The following KRT8 variants were observed in gnomAD, a reference collection of about 807,000 sequenced individuals.
KRT8 encodes the protein keratin 8, also known as keratin, type II cytoskeletal 8.
KRT8 carries 24 observed loss-of-function variants against 43.0 expected under a neutral mutation model. The ratio of observed to expected loss-of-function variants is 0.56; its 90% confidence interval spans 0.40 to 0.78. The LOEUF (loss-of-function observed/expected upper bound fraction) is 0.78. Among genes scored for constraint, KRT8 ranks in the 30% least tolerant of loss-of-function variants. The probability of loss-of-function intolerance (pLI) is 0.00; values close to 1 mark genes in which losing one functional copy is unlikely to be tolerated. For missense variants in KRT8, 492 were observed against 638.4 expected, an observed-to-expected ratio of 0.77 and a Z score of 2.47; for synonymous variants, 214 against 261.2, an observed-to-expected ratio of 0.82 and a Z score of 1.74.
chr12:52,905,030 A>G (rs752360906), exon 1 of KRT8: 20 of 1,570,254 alleles, frequency 1.3e-5, no homozygotes, highest in Non-Finnish European at 1.6e-5. Flanking sequence ...CGGAGATCCT[A>G]GAAGGAGCGG....
chr12:52,907,934 G>A (rs1399038180), upstream of KRT8, among the ~76,000 whole-genome samples: 4 of 152,172 alleles, frequency 2.6e-5, no homozygotes, highest in Admixed American at 2.6e-4. Context: ...AAGGCATTGT[G>A]GTCTACACAC....
At chr12:52,900,230 C>T (rs1361765082) in intron 4 of KRT8, among the ~76,000 whole-genome samples, 165 bp from the exon 5 acceptor site, 1 of 152,084 alleles carries the variant, frequency 6.6e-6, no homozygotes, top group East Asian at 1.9e-4. Context: ...GAACTGGGTG[C>T]ACCAATACTA....
At chr12:52,910,975 G>A (rs1484064358), upstream of KRT8, among the ~76,000 whole-genome samples, 2 of 152,194 alleles carry the variant, frequency 1.3e-5, no homozygotes, top group Admixed American at 6.5e-5. Context: ...TTCAGGAGAT[G>A]AAGTATTTGG....
intron 2 of KRT8, among the ~76,000 whole-genome samples, chr12:52,932,933 G>A (rs1020503351): frequency 6.6e-6 from 1 of 151,998 alleles, no homozygotes; most frequent in Non-Finnish European, 1.5e-5. Context: ...TACATTTTTT[G>A]TGTGTTTTTT....
chr12:52,920,774 G>A (rs1203506161), intron 2 of KRT8, among the ~76,000 whole-genome samples: 1 of 152,190 alleles, frequency 6.6e-6, no homozygotes, highest in Non-Finnish European at 1.5e-5. Context: ...AGGCACAGTG[G>A]CTCACACCTG....
At position 52,897,468 on chromosome 12, in the gene KRT8, C is replaced by T. The variant is rs386834222; in HGVS notation, c.1412G>A (p.Gly471Glu). 4.3e-5 allele frequency: 68 copies of T among 1,599,318 alleles called. No homozygotes were observed. Among genetic ancestry groups the T allele is most frequent in the Non-Finnish European group, 5.8e-5 (68 of 1,179,914 alleles). Residue 471 changes from glycine (G) to glutamate (E), a missense_variant, in exon 8 of 8, where the codon GGG (glycine) becomes GAG (glutamate). Physicochemically the swap from Gly to Glu is moderately conservative, Grantham distance 98 (BLOSUM62 -2). Transcript: ENST00000692008. ...GTCAGAGGACTCAGACACCAGCTTC[C>T]CATCACGTGTCTCGATCTTCTTCAC...
At chr12:52,924,830 C>G (rs1281317508) in intron 2 of KRT8, among the ~76,000 whole-genome samples, 1 of 152,196 alleles carries the variant, frequency 6.6e-6, no homozygotes, top group Non-Finnish European at 1.5e-5. Context: ...CTCAGCTGTA[C>G]TCTGTGGTCT....
exon 2 of KRT8, chr12:52,902,058 C>T (rs776320830): frequency 1.9e-6 from 3 of 1,601,126 alleles, no homozygotes; most frequent in Non-Finnish European, 2.5e-6. Flanking sequence ...TGTTCTGCTG[C>T]TCCAGGAACC....
chr12:52,936,213 C>T (rs1942167791), intron 2 of KRT8, among the ~76,000 whole-genome samples: 1 of 151,908 alleles, frequency 6.6e-6, no homozygotes, highest in Admixed American at 6.6e-5. Context: ...GATCATGCCA[C>T]TGCACTCCAG....
At chr12:52,941,602 C>T (rs1274684809) in intron 2 of KRT8, among the ~76,000 whole-genome samples, 2 of 149,774 alleles carry the variant, frequency 1.3e-5, no homozygotes, top group African/African-American at 2.5e-5. Context: ...AATTCTCCTA[C>T]CTCAGCCTCC....
intron 2 of KRT8, 78 bp from the exon 3 acceptor site, chr12:52,901,297 T>G (rs4531558): frequency 0.53 from 534,120 of 1,008,010 alleles, 145,755 homozygotes; most frequent in South Asian, 0.7. Context: ...ACAGGGGCGT[T>G]GTGAAAATCA....
intron 2 of KRT8, among the ~76,000 whole-genome samples, chr12:52,921,511 C>G (rs1310152062): frequency 6.6e-6 from 1 of 152,160 alleles, no homozygotes; most frequent in Non-Finnish European, 1.5e-5. Context: ...CTGACCCTAT[C>G]CTACTTGACT....
chr12:52,933,949 G>A (rs1257055736), intron 2 of KRT8, among the ~76,000 whole-genome samples: 1 of 151,714 alleles, frequency 6.6e-6, no homozygotes, highest in East Asian at 2.0e-4. Flanking sequence ...AAAAAGAATA[G>A]CCGGGAACGG....
chr12:52,905,951 C>T (rs1171797697), upstream of KRT8, among the ~76,000 whole-genome samples: 2 of 152,086 alleles, frequency 1.3e-5, no homozygotes, highest in Non-Finnish European at 2.9e-5. Context: ...AATTAGCTGG[C>T]CATGGTGTAA....
intron 2 of KRT8, among the ~76,000 whole-genome samples, chr12:52,937,991 C>G (rs1942195493): frequency 7.0e-6 from 1 of 142,086 alleles, no homozygotes; most frequent in South Asian, 2.2e-4. Context: ...AAGAACAAAA[C>G]TCCATCTCAA....
chr12:52,904,876 A>C (rs1197887525), exon 1 of KRT8: 2 of 1,612,776 alleles, frequency 1.2e-6, no homozygotes, highest in Admixed American at 3.3e-5. Flanking sequence ...GAGAAGCTCG[A>C]GGAGCTGATG....
chr12:52,897,694 C>T, intron 7 of KRT8, 76 bp from the exon 8 acceptor site: 2 of 1,583,892 alleles, frequency 1.3e-6, no homozygotes, highest in Non-Finnish European at 1.7e-6. Context: ...TCTCCCTGCT[C>T]ATTCCCAACA....
chr12:52,905,407 C>T (rs892956471), upstream of KRT8, among the ~76,000 whole-genome samples: 1 of 152,188 alleles, frequency 6.6e-6, no homozygotes, highest in African/African-American at 2.4e-5. Flanking sequence ...CTCCCTCCCT[C>T]CTGGGGGAAA....
intron 4 of KRT8, 82 bp from the exon 5 acceptor site, chr12:52,900,147 A>G: frequency 7.0e-7 from 1 of 1,420,688 alleles, no homozygotes; most frequent in South Asian, 1.2e-5. Flanking sequence ...TTCTTAGGGT[A>G]TAAGACAGGG....
Sources: gnomAD v4.1 joint callset for allele counts (sites outside exome capture counted in the v4.1 genomes callset) on GRCh38, gnomAD v4.1.1 for gene constraint, MANE v1.5 for transcripts, NCBI Gene and HGNC (gene_info 2026-07-23, HGNC 2026-07-21) for gene names.